Variants in ANXA4 observed in about 807,000 individuals in gnomAD.
ANXA4 encodes the protein 35-beta calcimedin.
ANXA4 carries 39 observed loss-of-function variants against 49.8 expected under a neutral mutation model. The ratio of observed to expected loss-of-function variants is 0.78; its 90% CI spans 0.61 to 1.02. The LOEUF (loss-of-function observed/expected upper bound fraction) is 1.02. Ranked by LOEUF, ANXA4 falls within the 50% of genes least tolerant of loss-of-function variation. The pLI is 0.00. For missense variants in ANXA4, 360 were observed against 410.1 expected (o/e 0.88, Z 1.05); for synonymous variants, 134 against 152.5 (o/e 0.88, Z 0.89).
intron 2 of ANXA4, among the ~76,000 whole-genome samples, chr2:69,705,897 A>T (rs1282000373): frequency 1.3e-5 from 2 of 152,240 alleles, no homozygotes; most frequent in East Asian, 3.9e-4. Context: ...ATGCCACTGG[A>T]CTCCAGCCTA....
rs1671862401 is a variant in ANXA4 at position 69,774,093 on chromosome 2, G to A, written c.-46-7427G>A. The stretch of plus-strand genomic sequence containing the variant: ...CCGCCCCTGCCTCCCACAATGCTGG[G>A]ATTACAGGCGTGAGCCATCTCACCC... On this transcript the variant is annotated intron_variant, in intron 1 of 12. Transcript: ENST00000394295. 3.9e-5 allele frequency among the ~76,000 whole-genome samples: 6 copies of A among 152,138 alleles called. No individual in the cohort carries two copies. In the South Asian group the frequency reaches 1.0e-3, roughly 26 times the overall value.
intron 5 of ANXA4, among the ~76,000 whole-genome samples, chr2:69,807,498 A>G (rs182107475): frequency 2.0e-4 from 30 of 152,312 alleles, no homozygotes; most frequent in African/African-American, 7.2e-4. Flanking sequence ...GAGTACAATT[A>G]TCCTCCTCAA....
intron 2 of ANXA4, among the ~76,000 whole-genome samples, chr2:69,659,420 A>G (rs1676627760): frequency 6.6e-6 from 1 of 152,206 alleles, no homozygotes; most frequent in South Asian, 2.1e-4. Flanking sequence ...AAGGCATTGT[A>G]TGCTTCTCTT....
chr2:69,763,956 T>C (rs1004153812), intron 1 of ANXA4, among the ~76,000 whole-genome samples: 4 of 152,182 alleles, frequency 2.6e-5, no homozygotes, highest in African/African-American at 9.6e-5. Context: ...CCACCGCACC[T>C]GACCTTAGTT....
intron 1 of ANXA4, among the ~76,000 whole-genome samples, chr2:69,774,012 A>G (rs1671857778): frequency 6.6e-6 from 1 of 151,782 alleles, no homozygotes; most frequent in Admixed American, 6.6e-5. Context: ...TAGTAGAGGC[A>G]GGGTTTCACC....
intron 1 of ANXA4, among the ~76,000 whole-genome samples, chr2:69,778,532 T>C (rs760768502): frequency 1.4e-4 from 22 of 152,082 alleles, no homozygotes; most frequent in Non-Finnish European, 2.5e-4. Context: ...TCCCAACACT[T>C]TGGGAGGCCG....
chr2:69,675,978 G>A (rs1190921876), intron 2 of ANXA4, among the ~76,000 whole-genome samples: 3 of 149,988 alleles, frequency 2.0e-5, no homozygotes, highest in Admixed American at 1.3e-4. Flanking sequence ...CTGCACTCCA[G>A]CCTGGGCGAC....
chr2:69,740,649 TTTTTTCTTTC>T (rs1428204358), upstream of ANXA4, among the ~76,000 whole-genome samples: 1 of 149,876 alleles, frequency 6.7e-6, no homozygotes, highest in African/African-American at 2.4e-5. Context: ...TTTCTTTTCT[TTTTTTCTTTC>T]TTTTTCTTTT....
At chr2:69,745,278 A>G (rs1042674738) in intron 1 of ANXA4, among the ~76,000 whole-genome samples, 1 of 152,150 alleles carries the variant, frequency 6.6e-6, no homozygotes, top group African/African-American at 2.4e-5. Context: ...TAAAACCCAT[A>G]GGCTGGGTGG....
chr2:69,744,132 A>T (rs1032219563), intron 1 of ANXA4, among the ~76,000 whole-genome samples: 21 of 151,996 alleles, frequency 1.4e-4, no homozygotes, highest in South Asian at 4.1e-4. Context: ...ACATAGCAAG[A>T]CCCCGTCTCT....
rs1269469741 is a variant in ANXA4 at position 69,825,547 on chromosome 2, CA to C, written c.*34del. The C allele has an allele frequency of 4.5e-6, 7 of 1,549,822 alleles. No homozygotes were observed. The highest frequency in any genetic ancestry group is 6.1e-6 in the Non-Finnish European group (7 of 1,138,676). On this transcript the variant is annotated 3_prime_UTR_variant, in exon 13 of 13. Coordinates refer to ENST00000394295, the MANE Select transcript of ANXA4 (RefSeq NM_001153.5). ...AATCCCAGAAGGACAGGAGGATTCTCAACACTTTGAATTTTTTTAACTTCAT... is the reference window on the plus strand; with the variant it reads ...AATCCCAGAAGGACAGGAGGATTCTCACACTTTGAATTTTTTTAACTTCAT...
chr2:69,785,551 TTGA>T (rs10689485), intron 2 of ANXA4, among the ~76,000 whole-genome samples: 2,394 of 150,860 alleles, frequency 0.016, 40 homozygotes, highest in Non-Finnish European at 0.02. Flanking sequence ...GAAGTTCTCT[TTGA>T]TGATGATGAT....
intron 2 of ANXA4, among the ~76,000 whole-genome samples, chr2:69,666,395 T>G (rs1005470098): frequency 1.3e-5 from 2 of 152,158 alleles, no homozygotes; most frequent in African/African-American, 4.8e-5. Context: ...CTGGTAGAAA[T>G]GTAAAATGTG....
intron 1 of ANXA4, among the ~76,000 whole-genome samples, chr2:69,759,965 T>C (rs897553653): frequency 1.3e-5 from 2 of 152,106 alleles, no homozygotes; most frequent in African/African-American, 4.8e-5. Context: ...CCCGAGTAGC[T>C]GGGACTACAG....
intron 2 of ANXA4, among the ~76,000 whole-genome samples, chr2:69,663,137 C>T (rs1200320145): frequency 3.3e-5 from 5 of 150,126 alleles, no homozygotes; most frequent in Middle Eastern, 3.5e-3. Flanking sequence ...GGACTACAGG[C>T]GCCCACCACC....
At chr2:69,824,867 T>A (rs1362572351) in intron 12 of ANXA4, among the ~76,000 whole-genome samples, 1 of 151,816 alleles carries the variant, frequency 6.6e-6, no homozygotes, top group Non-Finnish European at 1.5e-5. Flanking sequence ...ATCAAGACCA[T>A]CCTGGCTAAC....
At chr2:69,689,811 A>G (rs1677902513) in intron 2 of ANXA4, among the ~76,000 whole-genome samples, 1 of 152,210 alleles carries the variant, frequency 6.6e-6, no homozygotes, top group African/African-American at 2.4e-5. Context: ...CTAAAGTCAA[A>G]TCTACAACAG....
chr2:69,743,271 G>T (rs761156184), intron 1 of ANXA4, among the ~76,000 whole-genome samples: 1 of 152,056 alleles, frequency 6.6e-6, no homozygotes, highest in Non-Finnish European at 1.5e-5. Context: ...AGGCTGGAGC[G>T]CAGTGATATG....
intron 2 of ANXA4, among the ~76,000 whole-genome samples, chr2:69,709,542 A>G (rs1239178770): frequency 6.6e-6 from 1 of 152,218 alleles, no homozygotes. Context: ...TGACTTCCCA[A>G]GATGATCTTC....
Sources: allele counts gnomAD v4.1 joint callset (sites outside exome capture counted in the v4.1 genomes callset), GRCh38; gene constraint gnomAD v4.1.1; transcripts MANE v1.5; gene names NCBI Gene and HGNC (gene_info 2026-07-23, HGNC 2026-07-21).